ADGRV1: variants seen among roughly 807,000 people sequenced by gnomAD.
ADGRV1 encodes G-protein coupled receptor 98.
Under a neutral mutation model 596.2 loss-of-function variants are expected in ADGRV1, and 359 were observed. The observed-to-expected ratio is 0.60, with a 90% CI of 0.55 to 0.66. The LOEUF (loss-of-function observed/expected upper bound fraction) is 0.66, where lower values mean the gene tolerates loss of function less well. Ranked by LOEUF, ADGRV1 falls within the 30% of genes least tolerant of loss-of-function variation. The pLI, the probability that ADGRV1 is intolerant of heterozygous loss-of-function variation, is 0.00. For missense variants in ADGRV1, 7,274 were observed against 7,575.6 expected (o/e 0.96, Z 1.48); for synonymous variants, 2,681 against 2,679.2 (o/e 1.00, Z -0.02).
chr5:90,722,603 A>G (rs909614394), intron 45 of ADGRV1, among the ~76,000 whole-genome samples: 1 of 151,062 alleles, frequency 6.6e-6, no homozygotes, highest in East Asian at 2.0e-4. Flanking sequence ...AATCCCAGCT[A>G]CTTGGGAAGG....
chr5:91,015,319 G>A (rs944077154), intron 85 of ADGRV1, among the ~76,000 whole-genome samples: 1 of 152,030 alleles, frequency 6.6e-6, no homozygotes, highest in African/African-American at 2.4e-5. Context: ...AGATTTTAAA[G>A]TATGTGCCAT....
intron 85 of ADGRV1, among the ~76,000 whole-genome samples, chr5:91,003,932 C>G (rs1351636378): frequency 6.6e-6 from 1 of 152,012 alleles, no homozygotes; most frequent in South Asian, 2.1e-4. Flanking sequence ...AAGCTTAAAT[C>G]TAAAATGAAG....
At chr5:91,012,164 G>A (rs1782773070) in intron 85 of ADGRV1, among the ~76,000 whole-genome samples, 1 of 151,820 alleles carries the variant, frequency 6.6e-6, no homozygotes, top group Non-Finnish European at 1.5e-5. Context: ...CAATTCACCT[G>A]GTAGCTGGTT....
intron 85 of ADGRV1, among the ~76,000 whole-genome samples, chr5:91,037,746 T>C (rs546653564): frequency 3.3e-5 from 5 of 152,326 alleles, no homozygotes; most frequent in Admixed American, 2.0e-4. Context: ...AAAGTGTCCC[T>C]GAGGAAGTAA....
chr5:91,105,353 C>T (rs780032063), intron 87 of ADGRV1, among the ~76,000 whole-genome samples: 1 of 152,168 alleles, frequency 6.6e-6, no homozygotes, highest in Non-Finnish European at 1.5e-5. Context: ...GATAAATGCT[C>T]AGTAGTGGGA....
At chr5:90,874,718 C>T (rs993090120) in intron 83 of ADGRV1, among the ~76,000 whole-genome samples, 3 of 151,738 alleles carry the variant, frequency 2.0e-5, no homozygotes, top group Admixed American at 1.3e-4. Context: ...ATTAGCTGGG[C>T]GTGGTGGCAT....
intron 87 of ADGRV1, among the ~76,000 whole-genome samples, chr5:91,126,128 C>T (rs1358153743): frequency 6.6e-6 from 1 of 152,216 alleles, no homozygotes; most frequent in Non-Finnish European, 1.5e-5. Context: ...TGAAGACCCA[C>T]TCTCTTGGTT....
At chr5:90,780,295 C>G (rs902632249) in intron 64 of ADGRV1, among the ~76,000 whole-genome samples, 1 of 152,114 alleles carries the variant, frequency 6.6e-6, no homozygotes, top group Non-Finnish European at 1.5e-5. Context: ...GTACAATTAG[C>G]TAATCTACAG....
At chr5:91,051,215 A>G (rs1290078322) in intron 85 of ADGRV1, among the ~76,000 whole-genome samples, 1 of 152,224 alleles carries the variant, frequency 6.6e-6, no homozygotes, top group African/African-American at 2.4e-5. Flanking sequence ...TGTTTTAAAT[A>G]TATTCAACTT....
At chr5:90,863,897 TTG>T (rs1767844566) in intron 83 of ADGRV1, 40 bp downstream of exon 83, 1 of 1,262,704 alleles carries the variant, frequency 7.9e-7, no homozygotes, top group Non-Finnish European at 1.2e-6. Flanking sequence ...CGTGAGATGT[TTG>T]TGTTTCTTCT....
At chr5:91,077,277 T>A (rs1326728278) in intron 86 of ADGRV1, among the ~76,000 whole-genome samples, 1 of 152,188 alleles carries the variant, frequency 6.6e-6, no homozygotes, top group East Asian at 1.9e-4. Context: ...AGCAGGTAGA[T>A]GCAGGACATT....
At position 90,617,680 on chromosome 5, in the gene ADGRV1, C is replaced by G. The variant is rs1006885054; in HGVS notation, c.208-124C>G. The G allele has an allele frequency of 1.1e-5, 8 of 740,750 alleles. No individual in the cohort carries two copies. In the African/African-American group the frequency reaches 1.4e-4, roughly 13 times the overall value. The allele number at this position is 740,750 out of a possible 1,614,324, so 45.9% of individuals were successfully genotyped here. On this transcript the variant is annotated intron_variant, in intron 2 of 89. Transcript: ENST00000405460. Reference sequence around the variant, plus strand: ...TATTTATGATTTTTGTTTTTGTACACCCTATCTATAAACATAAATGTCACT... The same window carrying G: ...TATTTATGATTTTTGTTTTTGTACAGCCTATCTATAAACATAAATGTCACT...
At chr5:91,013,125 T>C (rs1782860478) in intron 85 of ADGRV1, among the ~76,000 whole-genome samples, 1 of 152,118 alleles carries the variant, frequency 6.6e-6, no homozygotes, top group Non-Finnish European at 1.5e-5. Context: ...ATCCAATCTG[T>C]CATTGATGGC....
intron 59 of ADGRV1, among the ~76,000 whole-genome samples, chr5:90,772,517 A>G (rs563167722): frequency 5.3e-5 from 8 of 152,350 alleles, no homozygotes; most frequent in African/African-American, 1.4e-4. Context: ...GAAAATATGT[A>G]TGTTAGATGA....
rs373721363 is a variant in ADGRV1, at chr5:90,711,272, G to A, written c.8992G>A (p.Ala2998Thr). The A allele has an allele frequency of 6.2e-7, 1 of 1,612,902 alleles. No homozygotes were observed. Among genetic ancestry groups the A allele is most frequent in the Non-Finnish European group, 8.5e-7 (1 of 1,179,314 alleles). The change falls in exon 41 of 90, where the codon GCT (alanine) becomes ACT (threonine). Residue 2998 changes from alanine (A) to threonine (T), a missense_variant. Transcript: ENST00000405460. The stretch of plus-strand genomic sequence containing the variant: ...TGGCCATGTTTCCTTATTTGTGTAT[G>A]CTCAGAATTTGGAAGCACAAGTGGG... Reference protein sequence around the residue: ...PLGHVSLFVYAQNLEAQVGLD... With the variant: ...PLGHVSLFVYTQNLEAQVGLD...
intron 89 of ADGRV1, among the ~76,000 whole-genome samples, chr5:91,160,471 A>G (rs1796850894): frequency 6.6e-6 from 1 of 152,210 alleles, no homozygotes; most frequent in South Asian, 2.1e-4. Flanking sequence ...GTGCATCTGT[A>G]AAACAGGACT....
intron 45 of ADGRV1, among the ~76,000 whole-genome samples, chr5:90,723,717 C>A (rs1751384724): frequency 6.6e-6 from 1 of 152,142 alleles, no homozygotes; most frequent in South Asian, 2.1e-4. Flanking sequence ...GACAAATTCT[C>A]TTGAATTAGT....
rs528085272 is a variant in ADGRV1 at position 90,616,586 on chromosome 5, A to C, written c.208-1218A>C. 2.0e-5 allele frequency among the ~76,000 whole-genome samples: 3 copies of C among 152,038 alleles called. No individual in the cohort carries two copies. In the South Asian group the frequency reaches 6.2e-4, roughly 32 times the overall value. On this transcript the variant is annotated intron_variant, in intron 2 of 89. Transcript: ENST00000405460. ...TCTTTTCCTTTTCTCTTTTTTGTTG[A>C]TATATAATAGTTGTACGTATTTTGG...
intron 44 of ADGRV1, among the ~76,000 whole-genome samples, 161 bp downstream of exon 44, chr5:90,720,384 C>G (rs557551431): frequency 6.6e-6 from 1 of 152,272 alleles, no homozygotes; most frequent in Non-Finnish European, 1.5e-5. Flanking sequence ...AGTTACTCTC[C>G]TAACTGGGAG....
Sources: gnomAD v4.1 joint callset for allele counts (sites outside exome capture counted in the v4.1 genomes callset) on GRCh38, gnomAD v4.1.1 for gene constraint, MANE v1.5 for transcripts, NCBI Gene and HGNC (gene_info 2026-07-23, HGNC 2026-07-21) for gene names.